Variants in RNF11 observed in about 807,000 individuals in gnomAD.
RNF11 encodes ring finger protein 11.
RNF11 carries 4 observed loss-of-function variants against 15.8 expected under a neutral mutation model. That is an observed-to-expected ratio of 0.25 (90% CI 0.12 to 0.58). The LOEUF (loss-of-function observed/expected upper bound fraction) is 0.58. Ranked by LOEUF, RNF11 falls within the 20% of genes least tolerant of loss-of-function variation. The probability of loss-of-function intolerance (pLI) is 0.91; values close to 1 mark genes in which losing one functional copy is unlikely to be tolerated. For synonymous variants in RNF11, 68 were observed against 72.3 expected (o/e 0.94, Z 0.30); for missense variants, 139 against 194.4 (o/e 0.71, Z 1.70).
chr1:51,263,833 AC>A (rs1646941327), intron 1 of RNF11, among the ~76,000 whole-genome samples: 1 of 152,184 alleles, frequency 6.6e-6, no homozygotes, highest in African/African-American at 2.4e-5. Flanking sequence ...ATAGCTCTGA[AC>A]ACACTGGAAA....
intron 1 of RNF11, among the ~76,000 whole-genome samples, chr1:51,246,231 C>CTCTA (rs1407223537): frequency 6.6e-6 from 1 of 152,066 alleles, no homozygotes; most frequent in African/African-American, 2.4e-5. Context: ...CGCTGTTGCA[C>CTCTA]TCTAGCCTGG....
chr1:51,249,127 ATGG>A (rs1178204590), intron 1 of RNF11, among the ~76,000 whole-genome samples: 2 of 152,180 alleles, frequency 1.3e-5, no homozygotes, highest in Non-Finnish European at 2.9e-5. Context: ...TAATTGTTAG[ATGG>A]TGGACATGAA....
chr1:51,240,074 A>G (rs889585534), intron 1 of RNF11, among the ~76,000 whole-genome samples: 3 of 152,196 alleles, frequency 2.0e-5, no homozygotes, highest in Non-Finnish European at 4.4e-5. Flanking sequence ...TACAACAGCC[A>G]CAGTTATTTT....
intron 1 of RNF11, chr1:51,251,049 G>C (rs1646875135): frequency 6.5e-7 from 1 of 1,532,666 alleles, no homozygotes. Context: ...CACCTCCTTG[G>C]AGCACTTAAC....
At chr1:51,255,056 A>G (rs932212631) in intron 1 of RNF11, among the ~76,000 whole-genome samples, 31 of 152,320 alleles carry the variant, frequency 2.0e-4, no homozygotes, top group African/African-American at 7.5e-4. Context: ...TGCCCCCAAC[A>G]TACTGTTTAA....
At chr1:51,271,092 T>G (rs757402459) in intron 2 of RNF11, 59 bp from the exon 3 acceptor site, 4 of 1,415,814 alleles carry the variant, frequency 2.8e-6, no homozygotes, top group Non-Finnish European at 4.0e-6. Flanking sequence ...ATTTAAAGAG[T>G]TTTCTGAATA....
chr1:51,269,917 T>A, intron 1 of RNF11, 39 bp from the exon 2 acceptor site: 1 of 1,571,102 alleles, frequency 6.4e-7, no homozygotes, highest in Non-Finnish European at 8.7e-7. Flanking sequence ...GAAAGGTTTT[T>A]AAAAAATAAT....
intron 1 of RNF11, among the ~76,000 whole-genome samples, chr1:51,239,926 T>G (rs1004260556): frequency 2.6e-5 from 4 of 152,224 alleles, no homozygotes; most frequent in Non-Finnish European, 2.9e-5. Flanking sequence ...TTTTTATTTA[T>G]TTTTGCCTTA....
At chr1:51,264,303 T>A (rs1646945238) in intron 1 of RNF11, among the ~76,000 whole-genome samples, 1 of 100,958 alleles carries the variant, frequency 9.9e-6, no homozygotes, top group Non-Finnish European at 1.8e-5. Flanking sequence ...TATATATATA[T>A]ATATATATAT....
rs80120605 is a variant in RNF11 at position 51,259,986 on chromosome 1, T to G, written c.124-9970T>G. Among the ~76,000 whole-genome samples the G allele has an allele frequency of 3.1e-4, 47 of 152,350 alleles. No homozygotes were observed. In the East Asian group the frequency reaches 4.0e-3, roughly 13 times the overall value. ...CCCCTAAAAGCAGAAATGATATTAC[T>G]TTGTGGATTGTTTAGATTTTTATGA... On this transcript the variant is annotated intron_variant, in intron 1 of 2. Coordinates refer to ENST00000242719, the MANE Select transcript of RNF11 (RefSeq NM_014372.5).
rs1435756087 is a variant in RNF11 at position 51,238,978 on chromosome 1, C to A, written c.123+2099C>A. ...CTCCTGACCTCAAGCAGTCCACCCA[C>A]CTCAGTCTCCCAAAGTGCTAGGATT... On this transcript the variant is annotated intron_variant, in intron 1 of 2. Transcript: ENST00000242719. 3.3e-5 allele frequency among the ~76,000 whole-genome samples: 5 copies of A among 152,200 alleles called. No individual in the cohort carries two copies. In the East Asian group the frequency reaches 9.7e-4, roughly 29 times the overall value.
In RNF11 at chr1:51,253,301, G is replaced by A. The variant is rs1646889506; in HGVS notation, c.123+16422G>A. 1.3e-5 allele frequency among the ~76,000 whole-genome samples: 2 copies of A among 152,058 alleles called. 1 individual carries two copies. The highest frequency in any genetic ancestry group is 4.8e-5 in the African/African-American group (2 of 41,412). On this transcript the variant is annotated intron_variant, in intron 1 of 2. Transcript: ENST00000242719. ...GTGCTTTGGGATGCCAAGGTGAGAG[G>A]ATCCCTTAAGGGAAGGAGGTTGAGA... is the stretch of plus-strand genomic sequence containing the variant.
intron 1 of RNF11, among the ~76,000 whole-genome samples, chr1:51,267,967 G>A (rs1165698845): frequency 2.6e-5 from 4 of 152,186 alleles, no homozygotes; most frequent in African/African-American, 9.6e-5. Context: ...CTGACCTCAG[G>A]TGATACGCCT....
intron 1 of RNF11, among the ~76,000 whole-genome samples, chr1:51,267,584 A>G (rs1646960736): frequency 6.6e-6 from 1 of 152,228 alleles, no homozygotes; most frequent in Non-Finnish European, 1.5e-5. Flanking sequence ...AGAGAAGCTC[A>G]TTTGGAGACT....
rs528520787 is a variant in RNF11, at chr1:51,240,904, C to T, written c.123+4025C>T. On this transcript the variant is annotated intron_variant, in intron 1 of 2. Transcript: ENST00000242719. The stretch of plus-strand genomic sequence containing the variant: ...GTGCAGTGGTGTCATCTTGGCTCTG[C>T]CTCTTGGGTTCAAGCGATTCTCCTG... Among the ~76,000 whole-genome samples, 3 of 152,216 alleles carry T rather than the reference C, an allele frequency of 2.0e-5. No individual in the cohort carries two copies. The East Asian group carries it at 5.8e-4, about 29-fold the overall frequency.
chr1:51,247,729 G>C (rs1209512491), intron 1 of RNF11, among the ~76,000 whole-genome samples: 1 of 152,158 alleles, frequency 6.6e-6, no homozygotes, highest in Non-Finnish European at 1.5e-5. Flanking sequence ...ATGAATGCGT[G>C]TGTCCCTATC....
rs1209825253 is a variant in RNF11, at chr1:51,253,001, G to A, written c.123+16122G>A. On this transcript the variant is annotated intron_variant, in intron 1 of 2. Transcript: ENST00000242719. ...ACCACGCGCGGCTAATTTTTTTGTA[G>A]TTTTAGTAGAGATGGGGTTTCACCA... 4.0e-5 allele frequency among the ~76,000 whole-genome samples: 6 copies of A among 151,618 alleles called. No individual in the cohort carries two copies. The East Asian group carries it at 1.2e-3, about 30-fold the overall frequency.
intron 1 of RNF11, 45 bp downstream of exon 1, chr1:51,236,924 G>A: frequency 6.4e-7 from 1 of 1,571,068 alleles, no homozygotes; most frequent in Non-Finnish European, 8.6e-7. Context: ...AGGCAGCTCT[G>A]GCGGAGATTG....
At chr1:51,239,301 G>A (rs539758395) in intron 1 of RNF11, among the ~76,000 whole-genome samples, 2 of 152,174 alleles carry the variant, frequency 1.3e-5, no homozygotes, top group Admixed American at 1.3e-4. Flanking sequence ...TGAGGGATGA[G>A]GGGTTTTTGG....
Sources: allele counts gnomAD v4.1 joint callset (sites outside exome capture counted in the v4.1 genomes callset), GRCh38; gene constraint gnomAD v4.1.1; transcripts MANE v1.5; gene names NCBI Gene and HGNC (gene_info 2026-07-23, HGNC 2026-07-21).